Variants in TNFRSF6B observed in about 807,000 individuals in gnomAD.
TNFRSF6B encodes the protein TNF receptor superfamily member 6b.
Under a neutral mutation model 17.9 loss-of-function variants are expected in TNFRSF6B, and 23 were observed. The observed-to-expected ratio is 1.28, with a 90% CI of 0.92 to 1.82. TNFRSF6B has a LOEUF of 1.82. Among genes scored for constraint, TNFRSF6B ranks in the 40% most tolerant of loss-of-function variants. The pLI, the probability that TNFRSF6B is intolerant of heterozygous loss-of-function variation, is 0.00. For synonymous variants in TNFRSF6B, 291 were observed against 195.8 expected (o/e 1.49, Z -4.06); for missense variants, 555 against 437.2 (o/e 1.27, Z -2.40).
At position 63,696,700 on chromosome 20, in the gene TNFRSF6B, A is replaced by G. The variant is rs2090988260; in HGVS notation, c.-68A>G. The G allele has an allele frequency of 7.0e-7, 1 of 1,436,106 alleles. No homozygotes were observed. Among genetic ancestry groups the G allele is most frequent in the African/African-American group, 1.4e-5 (1 of 69,888 alleles). 89.0% of individuals were successfully genotyped at this position (1,436,106 alleles called of 1,614,324 possible). ...GCGGACCGGGGGCAAAGGAGGTGGCATGTCGGTCAGGCACAGCAGGGTCCT... is the reference window on the plus strand; with the variant it reads ...GCGGACCGGGGGCAAAGGAGGTGGCGTGTCGGTCAGGCACAGCAGGGTCCT... On this transcript the variant is annotated 5_prime_UTR_variant, in exon 1 of 3. An upstream start codon of the reference 5' UTR is lost. Transcript: ENST00000369996.
At position 63,698,421 on chromosome 20, in the gene TNFRSF6B, A is replaced by G; in HGVS notation, c.761A>G (p.Gln254Arg). Residue 254 changes from glutamine to arginine, a missense_variant, in exon 3 of 3, where the codon CAG becomes CGG. By Grantham distance (43) the Gln-to-Arg change is conservative. Coordinates refer to ENST00000369996, the MANE Select transcript of TNFRSF6B (RefSeq NM_003823.4). Reference sequence around the variant, plus strand: ...CCAAGGGCGGGCCGCGCGGCCTTGCAGCTGAAGCTGCGTCGGCGGCTCACG... The same window carrying G: ...CCAAGGGCGGGCCGCGCGGCCTTGCGGCTGAAGCTGCGTCGGCGGCTCACG... The part of the protein sequence containing the change: ...PTPRAGRAAL[Q>R]LKLRRRLTEL... 6.3e-7 allele frequency: 1 copy of G among 1,585,280 alleles called. No homozygotes were observed. The highest frequency in any genetic ancestry group is 1.7e-4 in the Middle Eastern group (1 of 5,932).
At chr20:63,698,157 T>C (rs2091024767) in intron 2 of TNFRSF6B, 123 bp from the exon 3 acceptor site, 11 of 1,296,854 alleles carry the variant, frequency 8.5e-6, no homozygotes, top group Non-Finnish European at 9.4e-6. Context: ...CACGGCTCAC[T>C]GCACAGGGAT....
chr20:63,696,882 C>A lies in TNFRSF6B; in HGVS notation c.115C>A (p.Arg39=), dbSNP rs367883678. The A allele has an allele frequency of 6.2e-7, 1 of 1,611,580 alleles. No homozygotes were observed. Among genetic ancestry groups the A allele is most frequent in the East Asian group, 2.2e-5 (1 of 44,872 alleles). The change falls in exon 1 of 3, where the codon CGG becomes AGG. Residue 39 remains arginine (R), a synonymous_variant. Transcript: ENST00000369996. ...GGCAGAAACACCCACCTACCCCTGG[C>A]GGGACGCAGAGACAGGGGAGCGGCT... ...GVAETPTYPW[R]DAETGERLVC...
chr20:63,697,761 TG>T (rs1356645506), intron 2 of TNFRSF6B, among the ~76,000 whole-genome samples: 2 of 152,118 alleles, frequency 1.3e-5, no homozygotes, highest in Admixed American at 1.3e-4. Flanking sequence ...TCTGGGAAAG[TG>T]GGCAGCAATC....
In TNFRSF6B at chr20:63,698,523, T is replaced by C; in HGVS notation, c.863T>C (p.Leu288Pro). Residue 288 changes from leucine (L) to proline (P), a missense_variant, in exon 3 of 3, where the codon CTG becomes CCG. By Grantham distance (98) the Leu-to-Pro change is moderately conservative. Transcript: ENST00000369996. Reference protein sequence around the residue: ...QALRVARMPGLERSVRERFLP... With the variant: ...QALRVARMPGPERSVRERFLP... The stretch of plus-strand genomic sequence containing the variant: ...CTGCGCGTGGCCAGGATGCCCGGGC[T>C]GGAGCGGAGCGTCCGTGAGCGCTTC... The C allele has an allele frequency of 6.5e-7, 1 of 1,549,826 alleles. No individual in the cohort carries two copies. Among genetic ancestry groups the C allele is most frequent in the Admixed American group, 2.1e-5 (1 of 47,612 alleles).
In TNFRSF6B at chr20:63,698,665, T is replaced by C; in HGVS notation, c.*102T>C. On this transcript the variant is annotated 3_prime_UTR_variant, in exon 3 of 3. Transcript: ENST00000369996. ...AATGAGGTTTCTTAAAGCTTATTTT[T>C]ATAAAGCTTTTTCATAAAACTGGTT... 2 of 1,299,534 alleles carry C rather than the reference T, an allele frequency of 1.5e-6. No homozygotes were observed. The highest frequency in any genetic ancestry group is 1.0e-6 in the Non-Finnish European group (1 of 1,001,158). The allele number at this position is 1,299,534 out of a possible 1,614,324, so 80.5% of individuals were successfully genotyped here.
At position 63,697,028 on chromosome 20, in the gene TNFRSF6B, C is replaced by T. The variant is rs1362783976; in HGVS notation, c.261C>T (p.Arg87=). The T allele has an allele frequency of 1.9e-6, 3 of 1,607,172 alleles. No homozygotes were observed. Among genetic ancestry groups the T allele is most frequent in the Non-Finnish European group, 2.5e-6 (3 of 1,179,054 alleles). The change falls in exon 1 of 3, where the codon CGC becomes CGT. Residue 87 remains arginine, a synonymous_variant. Coordinates refer to ENST00000369996, the MANE Select transcript of TNFRSF6B (RefSeq NM_003823.4). ...HYTQFWNYLE[R]CRYCNVLCGE... is the part of the protein sequence containing the mutation. ...CGCAGTTCTGGAACTACCTAGAGCG[C>T]TGCCGCTACTGCAACGTCCTCTGCG...
At position 63,698,290 on chromosome 20, in the gene TNFRSF6B, G is replaced by A. The variant is rs941209719; in HGVS notation, c.630G>A (p.Glu210=). The A allele has an allele frequency of 5.0e-6, 8 of 1,610,732 alleles. No homozygotes were observed. In the Admixed American group the frequency reaches 8.3e-5, roughly 17 times the overall value. The change falls in exon 3 of 3, where the codon GAG becomes GAA. Residue 210 remains glutamate (E), a synonymous_variant. Transcript: ENST00000369996. ...PLSTRVPGAE[E]CERAVIDFVA... ...CCCACCCCACTGCAGGAGCTGAGGA[G>A]TGTGAGCGTGCCGTCATCGACTTTG...
chr20:63,697,269 C>G (rs565931870), intron 1 of TNFRSF6B, 59 bp from the exon 2 acceptor site: 1 of 1,566,284 alleles, frequency 6.4e-7, no homozygotes, highest in African/African-American at 1.4e-5. Flanking sequence ...TGGTCCCAGC[C>G]TTGCACCCTG....
In TNFRSF6B at chr20:63,698,469, GGGCGCTGCTGGTGCGGCTGCTGCA is replaced by G; in HGVS notation, c.818_841del (p.Leu273_Leu280del). 2 of 1,555,914 alleles carry G rather than the reference GGGCGCTGCTGGTGCGGCTGCTGCA, an allele frequency of 1.3e-6. No homozygotes were observed. Among genetic ancestry groups the G allele is most frequent in the Non-Finnish European group, 1.7e-6 (2 of 1,158,220 alleles). On this transcript the variant is annotated inframe_deletion, in exon 3 of 3. Transcript: ENST00000369996. ...ACGGAGCTCCTGGGGGCGCAGGACG[GGGCGCTGCTGGTGCGGCTGCTGCA>G]GGCGCTGCGCGTGGCCAGGATGCCC...
rs1444609894 is a variant in TNFRSF6B, at chr20:63,696,745, C to T, written c.-23C>T. On this transcript the variant is annotated 5_prime_UTR_variant, in exon 1 of 3. Transcript: ENST00000369996. The stretch of plus-strand genomic sequence containing the variant: ...GGTCCTGTGTCCGCGCTGAGCCGCG[C>T]TCTCCCTGCTCCAGCAAGGACCATG... 19 of 1,538,518 alleles carry T rather than the reference C, an allele frequency of 1.2e-5. No homozygotes were observed. The highest frequency in any genetic ancestry group is 2.7e-5 in the African/African-American group (2 of 73,228).
intron 2 of TNFRSF6B, 83 bp from the exon 3 acceptor site, chr20:63,698,197 G>A (rs1001842434): frequency 2.6e-6 from 4 of 1,537,130 alleles, no homozygotes; most frequent in Admixed American, 4.1e-5. Context: ...CCCGAGTGGG[G>A]CCCAGAAAGC....
chr20:63,696,972 A>G lies in TNFRSF6B; in HGVS notation c.205A>G (p.Thr69Ala), dbSNP rs750068906. 6.2e-7 allele frequency: 1 copy of G among 1,606,132 alleles called. No homozygotes were observed. Among genetic ancestry groups the G allele is most frequent in the Admixed American group, 1.7e-5 (1 of 59,634 alleles). ...QRPCRRDSPT[T>A]CGPCPPRHYT... ...GCCGTGCCGCCGAGACAGCCCCACG[A>G]CGTGTGGCCCGTGTCCACCGCGCCA... Residue 69 changes from threonine (T) to alanine (A), a missense_variant, in exon 1 of 3, where the codon ACG becomes GCG. Transcript: ENST00000369996.
At chr20:63,697,298 CCT>C (rs1568730948) in intron 1 of TNFRSF6B, 28 bp from the exon 2 acceptor site, 3 of 1,599,492 alleles carry the variant, frequency 1.9e-6, no homozygotes, top group Admixed American at 1.7e-5. Flanking sequence ...CACCAGTTCC[CCT>C]GACCCTGTTC....
At position 63,698,302 on chromosome 20, in the gene TNFRSF6B, C is replaced by T. The variant is rs112186341; in HGVS notation, c.642C>T (p.Ala214=). Residue 214 remains alanine (A), a synonymous_variant, in exon 3 of 3, where the codon GCC becomes GCT. Transcript: ENST00000369996. ...CAGGAGCTGAGGAGTGTGAGCGTGC[C>T]GTCATCGACTTTGTGGCTTTCCAGG... ...RVPGAEECER[A]VIDFVAFQDI... is the part of the protein sequence containing the mutation. The T allele has an allele frequency of 4.9e-4, 783 of 1,610,820 alleles. 4 individuals are homozygous for T. In the African/African-American group the frequency reaches 8.5e-3, roughly 18 times the overall value.
chr20:63,697,221 AG>A (rs1479732586), intron 1 of TNFRSF6B, 30 bp downstream of exon 1: 1 of 1,552,182 alleles, frequency 6.4e-7, no homozygotes. Context: ...AGGGGCCCCC[AG>A]GAGTGGTGGC....
intron 2 of TNFRSF6B, among the ~76,000 whole-genome samples, chr20:63,697,864 G>A (rs2091017282): frequency 6.6e-6 from 1 of 152,184 alleles, no homozygotes; most frequent in Non-Finnish European, 1.5e-5. Context: ...AGAGGAAGGT[G>A]GCTGCCTCCT....
chr20:63,697,067 G>C lies in TNFRSF6B; in HGVS notation c.300G>C (p.Glu100Asp). 1 of 1,606,700 alleles carries C rather than the reference G, an allele frequency of 6.2e-7. No individual in the cohort carries two copies. The highest frequency in any genetic ancestry group is 8.5e-7 in the Non-Finnish European group (1 of 1,179,208). Residue 100 changes from glutamate to aspartate, a missense_variant, in exon 1 of 3, where the codon GAG becomes GAC. Physicochemically the swap from Glu to Asp is conservative, Grantham distance 45. Transcript: ENST00000369996. The part of the protein sequence containing the change: ...YCNVLCGERE[E>D]EARACHATHN... ...ACGTCCTCTGCGGGGAGCGTGAGGA[G>C]GAGGCACGGGCTTGCCACGCCACCC...
chr20:63,697,548 C>A, intron 2 of TNFRSF6B, 26 bp downstream of exon 2: 8 of 1,525,688 alleles, frequency 5.2e-6, no homozygotes, highest in Non-Finnish European at 7.1e-6. Context: ...GAGGGGGCAG[C>A]ACACTGCAGG....
Sources: allele counts gnomAD v4.1 joint callset (sites outside exome capture counted in the v4.1 genomes callset), GRCh38; gene constraint gnomAD v4.1.1; transcripts MANE v1.5; gene names NCBI Gene and HGNC (gene_info 2026-07-23, HGNC 2026-07-21).